MAP2K1: variants seen among roughly 807,000 people sequenced by gnomAD.
The protein encoded by MAP2K1 is dual specificity mitogen-activated protein kinase kinase 1.
Under a neutral mutation model 46.3 loss-of-function variants are expected in MAP2K1, and 16 were observed. That is an observed-to-expected ratio of 0.35 (90% CI 0.23 to 0.52). The LOEUF (loss-of-function observed/expected upper bound fraction) is 0.52, where lower values mean the gene tolerates loss of function less well. Among genes scored for constraint, MAP2K1 ranks in the 20% least tolerant of loss-of-function variants. MAP2K1 has a pLI of 0.94. For missense variants in MAP2K1, 263 were observed against 497.1 expected (o/e 0.53, Z 4.48); for synonymous variants, 183 against 185.6 (o/e 0.99, Z 0.11).
chr15:66,444,027 C>T (rs914809925), intron 4 of MAP2K1, among the ~76,000 whole-genome samples: 11 of 152,126 alleles, frequency 7.2e-5, no homozygotes, highest in African/African-American at 2.2e-4. Flanking sequence ...CACCTGAGGT[C>T]GGGAGTTCGA....
intron 1 of MAP2K1, among the ~76,000 whole-genome samples, chr15:66,394,656 GC>G (rs1424355074): frequency 1.3e-5 from 2 of 152,032 alleles, no homozygotes; most frequent in Non-Finnish European, 2.9e-5. Context: ...TTGCTGTATT[GC>G]CCAGGCTGGG....
At chr15:66,396,695 T>A (rs944266920) in intron 1 of MAP2K1, among the ~76,000 whole-genome samples, 13 of 152,130 alleles carry the variant, frequency 8.5e-5, no homozygotes, top group African/African-American at 3.1e-4. Flanking sequence ...TTCTTTTTTC[T>A]TTTTTTGAGA....
intron 5 of MAP2K1, among the ~76,000 whole-genome samples, chr15:66,447,839 G>C (rs118091879): frequency 0.023 from 3,519 of 151,854 alleles, 75 homozygotes; most frequent in Non-Finnish European, 0.031. Context: ...TCATCTTACA[G>C]ACCTCAAGCT....
At chr15:66,404,818 C>G (rs2093392226) in intron 1 of MAP2K1, among the ~76,000 whole-genome samples, 1 of 152,140 alleles carries the variant, frequency 6.6e-6, no homozygotes, top group Admixed American at 6.6e-5. Context: ...TCCTGAGGCA[C>G]AGAGGACTTG....
chr15:66,474,370 T>C (rs1892708708), intron 5 of MAP2K1, among the ~76,000 whole-genome samples: 1 of 152,156 alleles, frequency 6.6e-6, no homozygotes, highest in Non-Finnish European at 1.5e-5. Context: ...GCAGTTGGCC[T>C]TGTCAAGAAG....
chr15:66,397,105 C>T (rs1453536981), intron 1 of MAP2K1, among the ~76,000 whole-genome samples: 5 of 147,942 alleles, frequency 3.4e-5, no homozygotes, highest in Admixed American at 6.9e-5. Context: ...CCTGGGTTCA[C>T]GCCATTCTCC....
chr15:66,468,984 A>G (rs566444928), intron 5 of MAP2K1, among the ~76,000 whole-genome samples: 1 of 138,014 alleles, frequency 7.2e-6, no homozygotes, highest in Non-Finnish European at 1.6e-5. Context: ...TTGGCTGAGC[A>G]CAGTGGCTCA....
rs1893237008 is a variant in MAP2K1, at chr15:66,490,949, G to A, written c.*334G>A. 3 of 447,274 alleles carry A rather than the reference G, an allele frequency of 6.7e-6. No homozygotes were observed. Among genetic ancestry groups the A allele is most frequent in the East Asian group, 4.0e-5 (1 of 25,282 alleles). The allele number at this position is 447,274 out of a possible 1,614,324, so 27.7% of individuals were successfully genotyped here. On this transcript the variant is annotated 3_prime_UTR_variant, in exon 11 of 11. Coordinates refer to ENST00000307102, the MANE Select transcript of MAP2K1 (RefSeq NM_002755.4). ...AATTGCACTGCTGTTCCTGCTCCAT[G>A]ACTGGCTGTCTGCCTGTATTTTCGG...
intron 1 of MAP2K1, among the ~76,000 whole-genome samples, chr15:66,429,728 T>C (rs2093470251): frequency 7.5e-6 from 1 of 132,488 alleles, no homozygotes; most frequent in South Asian, 2.5e-4. Context: ...TGGAAGTTGG[T>C]AAGCTGTGCT....
intron 5 of MAP2K1, among the ~76,000 whole-genome samples, chr15:66,460,066 G>A (rs922443470): frequency 3.3e-5 from 5 of 152,150 alleles, no homozygotes; most frequent in African/African-American, 7.2e-5. Flanking sequence ...TATACACAAG[G>A]TGCTCCTGGC....
At chr15:66,466,675 A>G (rs957282389) in intron 5 of MAP2K1, among the ~76,000 whole-genome samples, 2 of 152,150 alleles carry the variant, frequency 1.3e-5, no homozygotes, top group African/African-American at 4.8e-5. Flanking sequence ...GCGAGACTGC[A>G]TCTCAAAAAA....
intron 3 of MAP2K1, among the ~76,000 whole-genome samples, chr15:66,438,975 G>A (rs767754932): frequency 2.6e-5 from 4 of 152,134 alleles, no homozygotes; most frequent in South Asian, 2.1e-4. Flanking sequence ...AGGTGCTGCC[G>A]GAGCGTCTAG....
chr15:66,481,615 G>A (rs760247591), intron 5 of MAP2K1, 140 bp from the exon 6 acceptor site: 27 of 928,418 alleles, frequency 2.9e-5, no homozygotes, highest in Non-Finnish European at 4.5e-5. Context: ...GTGTTTGCAA[G>A]CCAAGGGCTG....
At chr15:66,403,998 C>T (rs1241655580) in intron 1 of MAP2K1, among the ~76,000 whole-genome samples, 1 of 152,152 alleles carries the variant, frequency 6.6e-6, no homozygotes, top group Non-Finnish European at 1.5e-5. Context: ...AGAAATTCTA[C>T]CAAAATGCCA....
chr15:66,432,957 A>C (rs1047095238), intron 1 of MAP2K1, among the ~76,000 whole-genome samples: 1 of 44,202 alleles, frequency 2.3e-5, no homozygotes, highest in Non-Finnish European at 5.8e-5. Flanking sequence ...CCCATCATGC[A>C]CAGTGTGTGT....
intron 1 of MAP2K1, among the ~76,000 whole-genome samples, chr15:66,408,428 A>T (rs1463646430): frequency 6.6e-6 from 1 of 151,472 alleles, no homozygotes; most frequent in African/African-American, 2.4e-5. Flanking sequence ...CCCAATATAG[A>T]CTCCTCCCAG....
In MAP2K1 at chr15:66,478,467, T is replaced by C. The variant is rs1453992416; in HGVS notation, c.569-3288T>C. ...GTATATATATATACAGGTATATATA[T>C]ATATATACAGGTGTATATATAGAGG... On this transcript the variant is annotated intron_variant, in intron 5 of 10. Coordinates refer to ENST00000307102, the MANE Select transcript of MAP2K1 (RefSeq NM_002755.4). Among the ~76,000 whole-genome samples the C allele has an allele frequency of 3.4e-5, 5 of 147,126 alleles. No individual in the cohort carries two copies. The East Asian group carries it at 7.8e-4, about 23-fold the overall frequency.
At chr15:66,487,125 C>A in intron 7 of MAP2K1, 103 bp from the exon 8 acceptor site, 1 of 922,504 alleles carries the variant, frequency 1.1e-6, no homozygotes, top group Non-Finnish European at 1.8e-6. Flanking sequence ...GTTTATTGTC[C>A]ATGACCCTGT....
intron 1 of MAP2K1, among the ~76,000 whole-genome samples, chr15:66,394,433 A>G (rs2140519255): frequency 7.6e-6 from 1 of 132,056 alleles, no homozygotes; most frequent in Non-Finnish European, 1.8e-5. Context: ...TCTTTCTGAG[A>G]TGTGTACCAT....
Sources: gnomAD v4.1 joint callset for allele counts (sites outside exome capture counted in the v4.1 genomes callset) on GRCh38, gnomAD v4.1.1 for gene constraint, MANE v1.5 for transcripts, NCBI Gene and HGNC (gene_info 2026-07-23, HGNC 2026-07-21) for gene names.